The following ADAMTSL1 variants were observed in gnomAD, a reference collection of about 807,000 sequenced individuals.
ADAMTSL1 encodes the protein ADAMTS-like protein 1.
In ADAMTSL1, 126 loss-of-function variants were observed where a neutral mutation model predicts 201.8. The observed-to-expected ratio is 0.62, with a 90% CI of 0.54 to 0.72. ADAMTSL1 has a LOEUF of 0.72. Among genes scored for constraint, ADAMTSL1 ranks in the 30% least tolerant of loss-of-function variants. ADAMTSL1 has a pLI of 0.00. For synonymous variants in ADAMTSL1, 1,121 were observed against 903.4 expected, an observed-to-expected ratio of 1.24 and a Z score of -4.32; for missense variants, 2,679 against 2,277.8, an observed-to-expected ratio of 1.18 and a Z score of -3.59.
At chr9:18,048,814 T>C (rs536603485) in intron 1 of ADAMTSL1, among the ~76,000 whole-genome samples, 1 of 152,298 alleles carries the variant, frequency 6.6e-6, no homozygotes, top group East Asian at 1.9e-4. Context: ...CCCCAGACAG[T>C]CCATCCCATA....
At chr9:18,468,460 C>A (rs1821089603) in intron 2 of ADAMTSL1, among the ~76,000 whole-genome samples, 1 of 152,050 alleles carries the variant, frequency 6.6e-6, no homozygotes, top group Non-Finnish European at 1.5e-5. Flanking sequence ...CTATACCCAC[C>A]ACCTAGAATG....
intron 2 of ADAMTSL1, among the ~76,000 whole-genome samples, chr9:18,376,791 A>G (rs7847110): frequency 0.096 from 14,548 of 152,110 alleles, 1,906 homozygotes; most frequent in African/African-American, 0.3. Flanking sequence ...GGGCGACAGA[A>G]AGAGACACTG....
Position 18,777,586 on chromosome 9 carries a change from C to T in ADAMTSL1, c.3357C>T (p.Leu1119=). The change falls in exon 19 of 29, where the codon CTC becomes CTT. Residue 1119 remains leucine (L), a synonymous_variant. Transcript: ENST00000380548. The part of the protein sequence containing the change: ...FRSHLEHQDT[L]LKPSERRTSP... ...GCCACCTGGAGCACCAGGACACGCTCCTGAAGCCCTCGGAGCGCAGGACTT... is the reference window on the plus strand; with the variant it reads ...GCCACCTGGAGCACCAGGACACGCTTCTGAAGCCCTCGGAGCGCAGGACTT... The T allele has an allele frequency of 6.2e-7, 1 of 1,611,968 alleles. No individual in the cohort carries two copies. The highest frequency in any genetic ancestry group is 8.5e-7 in the Non-Finnish European group (1 of 1,179,178).
intron 23 of ADAMTSL1, among the ~76,000 whole-genome samples, chr9:18,849,191 T>C (rs1205353707): frequency 1.3e-5 from 2 of 151,646 alleles, no homozygotes; most frequent in African/African-American, 4.9e-5. Context: ...TTTTAAGTGA[T>C]TTAAAACAGG....
intron 16 of ADAMTSL1, among the ~76,000 whole-genome samples, chr9:18,757,404 G>T (rs982934819): frequency 6.6e-6 from 1 of 152,046 alleles, no homozygotes; most frequent in Non-Finnish European, 1.5e-5. Flanking sequence ...CACTGTGATT[G>T]AGAATCACTG....
At chr9:18,512,239 G>T (rs1234178689) in intron 2 of ADAMTSL1, among the ~76,000 whole-genome samples, 1 of 152,116 alleles carries the variant, frequency 6.6e-6, no homozygotes, top group Non-Finnish European at 1.5e-5. Flanking sequence ...TTAGGGGGGT[G>T]TATTGTTCCA....
intron 2 of ADAMTSL1, among the ~76,000 whole-genome samples, chr9:18,212,173 C>G (rs1829895555): frequency 1.3e-5 from 2 of 152,042 alleles, no homozygotes; most frequent in African/African-American, 4.8e-5. Context: ...GTTTAATCTA[C>G]CAGTTCCTGA....
chr9:18,031,062 G>A (rs1056461159), intron 1 of ADAMTSL1, among the ~76,000 whole-genome samples: 1 of 151,954 alleles, frequency 6.6e-6, no homozygotes, highest in Non-Finnish European at 1.5e-5. Context: ...TAAACTCTTG[G>A]ATTGTTTTAC....
At chr9:18,817,317 A>G in intron 21 of ADAMTSL1, 80 bp downstream of exon 21, 1 of 1,415,656 alleles carries the variant, frequency 7.1e-7, no homozygotes, top group Non-Finnish European at 9.5e-7. Flanking sequence ...ATTAGACACA[A>G]ATTCTACTCT....
chr9:18,519,877 GTCA>G (rs1389992745), intron 2 of ADAMTSL1, among the ~76,000 whole-genome samples: 1 of 152,154 alleles, frequency 6.6e-6, no homozygotes, highest in Non-Finnish European at 1.5e-5. Context: ...GGTCTACAGT[GTCA>G]TCATTCTCAC....
At chr9:18,107,922 T>G (rs1355945669) in intron 1 of ADAMTSL1, among the ~76,000 whole-genome samples, 1 of 152,118 alleles carries the variant, frequency 6.6e-6, no homozygotes, top group East Asian at 1.9e-4. Context: ...CAGCACAGTT[T>G]CCTGCCGCCA....
At chr9:18,180,324 G>T (rs1828399822) in intron 2 of ADAMTSL1, among the ~76,000 whole-genome samples, 1 of 152,048 alleles carries the variant, frequency 6.6e-6, no homozygotes, top group Non-Finnish European at 1.5e-5. Flanking sequence ...ACGAGGTCAG[G>T]AGATCGAGAC....
chr9:18,414,859 A>T (rs1327963614), intron 2 of ADAMTSL1, among the ~76,000 whole-genome samples: 1 of 152,224 alleles, frequency 6.6e-6, no homozygotes, highest in Non-Finnish European at 1.5e-5. Flanking sequence ...CCTCAAAAGG[A>T]TTAGAGAGAG....
At chr9:17,916,543 T>C (rs1826101210) in intron 1 of ADAMTSL1, among the ~76,000 whole-genome samples, 1 of 152,170 alleles carries the variant, frequency 6.6e-6, no homozygotes, top group Non-Finnish European at 1.5e-5. Flanking sequence ...GATGTTAAAT[T>C]GTTTTTGCAT....
intron 13 of ADAMTSL1, chr9:18,706,537 T>G: frequency 1.9e-6 from 1 of 536,994 alleles, no homozygotes; most frequent in South Asian, 2.8e-5. Flanking sequence ...GGAGTTCATG[T>G]GACATTCATG....
chr9:18,274,529 T>C (rs527611521), intron 2 of ADAMTSL1, among the ~76,000 whole-genome samples: 3 of 152,150 alleles, frequency 2.0e-5, no homozygotes, highest in South Asian at 2.1e-4. Flanking sequence ...ACAACAGAAA[T>C]AGGCAAAATA....
At chr9:18,785,363 T>A (rs1821644753) in intron 19 of ADAMTSL1, among the ~76,000 whole-genome samples, 1 of 152,258 alleles carries the variant, frequency 6.6e-6, no homozygotes, top group East Asian at 1.9e-4. Flanking sequence ...ATGAGGCTTT[T>A]GTTTTTATTT....
At chr9:18,732,789 G>C (rs1231778504) in intron 15 of ADAMTSL1, among the ~76,000 whole-genome samples, 1 of 152,186 alleles carries the variant, frequency 6.6e-6, no homozygotes, top group African/African-American at 2.4e-5. Context: ...AGGGCATCTT[G>C]TCCCCATATC....
At chr9:18,682,070 C>G in intron 12 of ADAMTSL1, 111 bp downstream of exon 12, 1 of 1,238,350 alleles carries the variant, frequency 8.1e-7, no homozygotes, top group South Asian at 1.8e-5. Context: ...AGTAAGAATT[C>G]TTTATAACTT....
Sources: allele counts gnomAD v4.1 joint callset (sites outside exome capture counted in the v4.1 genomes callset), GRCh38; gene constraint gnomAD v4.1.1; transcripts MANE v1.5; gene names NCBI Gene and HGNC (gene_info 2026-07-23, HGNC 2026-07-21).